The following CCDC33 variants were observed in gnomAD, a reference collection of about 807,000 sequenced individuals.
CCDC33 encodes coiled-coil domain-containing protein 33.
Under a neutral mutation model 91.9 loss-of-function variants are expected in CCDC33, and 94 were observed. The observed-to-expected ratio is 1.02, with a 90% CI of 0.87 to 1.21. The LOEUF (loss-of-function observed/expected upper bound fraction) is 1.21. Among genes scored for constraint, CCDC33 ranks in the 50% most tolerant of loss-of-function variants. CCDC33 has a pLI of 0.00. For missense variants in CCDC33, 940 were observed against 935.5 expected, an observed-to-expected ratio of 1.00 and a Z score of -0.06; for synonymous variants, 396 against 374.5, an observed-to-expected ratio of 1.06 and a Z score of -0.66.
chr15:74,278,213 C>T (rs1363304107), intron 7 of CCDC33, among the ~76,000 whole-genome samples: 4 of 152,246 alleles, frequency 2.6e-5, no homozygotes, highest in African/African-American at 4.8e-5. Flanking sequence ...ACAGCTGAGC[C>T]TTGGGCTGGG....
upstream of CCDC33, among the ~76,000 whole-genome samples, chr15:74,234,695 G>A (rs529259026): frequency 1.1e-3 from 169 of 152,352 alleles, 1 homozygote; most frequent in Middle Eastern, 6.8e-3. Flanking sequence ...TGGCAGGGGC[G>A]TGGCTGCAGA....
chr15:74,280,461 T>C (rs571585224), intron 8 of CCDC33, among the ~76,000 whole-genome samples: 4 of 152,302 alleles, frequency 2.6e-5, no homozygotes, highest in Admixed American at 6.5e-5. Context: ...GAGGCTGATG[T>C]ATATAAATTC....
intron 7 of CCDC33, among the ~76,000 whole-genome samples, chr15:74,276,267 G>A (rs540680249): frequency 2.6e-5 from 4 of 152,354 alleles, no homozygotes; most frequent in African/African-American, 9.6e-5. Flanking sequence ...GAACTGGTGA[G>A]TTAAGGGGTA....
chr15:74,336,288 C>T (rs867074126), downstream of CCDC33: 1 of 1,412,444 alleles, frequency 7.1e-7, no homozygotes, highest in East Asian at 3.2e-5. Context: ...AAGCCAAGGG[C>T]CACAGTGGAC....
upstream of CCDC33, chr15:74,212,314 C>T (rs1436150736): frequency 6.6e-6 from 1 of 152,300 alleles, no homozygotes; most frequent in African/African-American, 2.4e-5. Context: ...CCTTCTCCCT[C>T]CCGCCAGACC....
At chr15:74,308,670 A>G (rs1292095667) in intron 11 of CCDC33, among the ~76,000 whole-genome samples, 2 of 152,170 alleles carry the variant, frequency 1.3e-5, no homozygotes, top group African/African-American at 2.4e-5. Context: ...CAAACAGACA[A>G]AAGGGGGCTC....
At chr15:74,256,576 A>ACCCATTG (rs2075872088) in intron 2 of CCDC33, among the ~76,000 whole-genome samples, 1 of 152,042 alleles carries the variant, frequency 6.6e-6, no homozygotes, top group Admixed American at 6.6e-5. Flanking sequence ...TGACAGGTCC[A>ACCCATTG]CCCATTGCGG....
rs983730743 is a variant in CCDC33 at position 74,217,423 on chromosome 15, ACCC to A, written c.155_157del (p.Pro52del). On this transcript the variant is annotated inframe_deletion, in exon 1 of 3. Transcript: ENST00000635913. ...TACGCCCTGAGACTGTCAGCAGAGA[ACCC>A]CCTGCAGGTGGGCTCTGGGGCTGGG... The A allele has an allele frequency of 2.0e-5, 26 of 1,289,208 alleles. No homozygotes were observed. In the African/African-American group the frequency reaches 3.5e-4, roughly 17 times the overall value. The allele number at this position is 1,289,208 out of a possible 1,614,324, so 79.9% of individuals were successfully genotyped here. A position where few individuals can be genotyped will look rare whatever the true frequency, so the allele number is the denominator to read the frequency against.
upstream of CCDC33, chr15:74,212,776 TCCC>T (rs998862298): frequency 2.0e-5 from 3 of 151,752 alleles, no homozygotes; most frequent in African/African-American, 7.3e-5. Context: ...AGGCCCGTTT[TCCC>T]CCAAGGACGG....
intron 3 of CCDC33, among the ~76,000 whole-genome samples, chr15:74,263,773 G>C (rs2076091250): frequency 6.6e-6 from 1 of 152,176 alleles, no homozygotes. Flanking sequence ...ATGTCTGTGT[G>C]TCTTATGTGT....
At chr15:74,323,166 C>T (rs11072478) in intron 11 of CCDC33, among the ~76,000 whole-genome samples, 60,414 of 151,702 alleles carry the variant, frequency 0.4, 12,614 homozygotes, top group East Asian at 0.65. Flanking sequence ...CCCCTCAGAC[C>T]TTACCCACAG....
At chr15:74,300,089 G>A (rs1316504610) in intron 11 of CCDC33, 1 of 152,262 alleles carries the variant, frequency 6.6e-6, no homozygotes, top group Admixed American at 6.5e-5. Context: ...TAGCAACAGT[G>A]TACGGCTCCA....
At chr15:74,329,149 C>T (rs1190748325) in intron 11 of CCDC33, among the ~76,000 whole-genome samples, 1 of 151,464 alleles carries the variant, frequency 6.6e-6, no homozygotes, top group African/African-American at 2.4e-5. Context: ...ATAAATATAG[C>T]CTATTAATTT....
intron 11 of CCDC33, among the ~76,000 whole-genome samples, chr15:74,321,509 C>T (rs2060206332): frequency 6.6e-6 from 1 of 152,126 alleles, no homozygotes; most frequent in Non-Finnish European, 1.5e-5. Flanking sequence ...AGGTGATCCA[C>T]CTCCCTTAGC....
chr15:74,318,839 CA>C (rs1479400397), intron 11 of CCDC33, among the ~76,000 whole-genome samples: 3 of 152,204 alleles, frequency 2.0e-5, no homozygotes, highest in African/African-American at 7.2e-5. Flanking sequence ...GAATCTTTTG[CA>C]AGGCCCCTGG....
chr15:74,238,052 TGGG>T (rs2075231603), intron 1 of CCDC33, among the ~76,000 whole-genome samples: 1 of 151,960 alleles, frequency 6.6e-6, no homozygotes, highest in South Asian at 2.1e-4. Flanking sequence ...CGCTTGAACC[TGGG>T]AGGCAGATGT....
intron 1 of CCDC33, among the ~76,000 whole-genome samples, chr15:74,204,307 C>T (rs1270110388): frequency 6.6e-6 from 1 of 152,230 alleles, no homozygotes. Flanking sequence ...TGATGCTCAG[C>T]GCCTGGCCCT....
chr15:74,225,353 C>T (rs375810618), intron 2 of CCDC33, among the ~76,000 whole-genome samples: 1 of 152,014 alleles, frequency 6.6e-6, no homozygotes, highest in Admixed American at 6.6e-5. Flanking sequence ...GTGACGATGG[C>T]CTTTTCTTAA....
chr15:74,289,780 C>T (rs2059551074), intron 10 of CCDC33, among the ~76,000 whole-genome samples: 1 of 100,238 alleles, frequency 1.0e-5, no homozygotes, highest in Non-Finnish European at 3.1e-5. Flanking sequence ...GAGTGAGAAC[C>T]TTTGTCTATT....
Sources: allele counts gnomAD v4.1 joint callset (sites outside exome capture counted in the v4.1 genomes callset), GRCh38; gene constraint gnomAD v4.1.1; transcripts MANE v1.5; gene names NCBI Gene and HGNC (gene_info 2026-07-23, HGNC 2026-07-21).